The following DIS3L2 variants were observed in gnomAD, a reference collection of about 807,000 sequenced individuals.
The protein encoded by DIS3L2 is DIS3-like exonuclease 2.
Under a neutral mutation model 97.5 loss-of-function variants are expected in DIS3L2, and 34 were observed. That is an observed-to-expected ratio of 0.35 (90% confidence interval 0.27 to 0.46). The LOEUF is 0.46. Among genes scored for constraint, DIS3L2 ranks in the 20% least tolerant of loss-of-function variants. The probability of loss-of-function intolerance (pLI) is 1.00; values close to 1 mark genes in which losing one functional copy is unlikely to be tolerated. For synonymous variants in DIS3L2, 435 were observed against 445.2 expected (o/e 0.98, Z 0.29); for missense variants, 1,038 against 1,146.0 (o/e 0.91, Z 1.36).
At chr2:232,155,902 A>G (rs1046332038) in intron 8 of DIS3L2, among the ~76,000 whole-genome samples, 1 of 152,040 alleles carries the variant, frequency 6.6e-6, no homozygotes, top group African/African-American at 2.4e-5. Flanking sequence ...AGGCAGGAGA[A>G]TGGTGTGAAC....
At chr2:232,091,379 G>A (rs556785987) in intron 6 of DIS3L2, among the ~76,000 whole-genome samples, 72 of 152,070 alleles carry the variant, frequency 4.7e-4, no homozygotes, top group Non-Finnish European at 9.9e-4. Flanking sequence ...TAGTTTTTTA[G>A]CTCTCACAGA....
At chr2:232,138,745 T>C (rs1227011098) in intron 8 of DIS3L2, among the ~76,000 whole-genome samples, 3 of 152,168 alleles carry the variant, frequency 2.0e-5, no homozygotes, top group African/African-American at 4.8e-5. Context: ...GGTGCGAAAG[T>C]GTTATGGTTA....
chr2:232,015,782 A>T lies in DIS3L2; in HGVS notation c.210+111A>T, dbSNP rs1474748224. On this transcript the variant is annotated intron_variant, in intron 3 of 20. Transcript: ENST00000325385. ...GCTTTCAGAGAGACGATGATGTAAC[A>T]GGTGCAGGGCTGTTATGATGGCATA... 5.5e-6 allele frequency: 7 copies of T among 1,283,544 alleles called. No homozygotes were observed. In the African/African-American group the frequency reaches 8.9e-5, roughly 16 times the overall value. 79.5% of individuals were successfully genotyped at this position (1,283,544 alleles called of 1,614,324 possible). A position where few individuals can be genotyped will look rare whatever the true frequency, so the allele number is the denominator to read the frequency against.
chr2:232,107,362 A>G (rs912432178), intron 6 of DIS3L2, among the ~76,000 whole-genome samples: 1 of 152,184 alleles, frequency 6.6e-6, no homozygotes. Flanking sequence ...ACCACCAGCT[A>G]GACTAATAGA....
intron 8 of DIS3L2, among the ~76,000 whole-genome samples, chr2:232,155,064 C>T (rs890017903): frequency 7.3e-5 from 11 of 150,636 alleles, no homozygotes; most frequent in South Asian, 2.1e-4. Context: ...CTTCGGCTCG[C>T]GCACGGTGAG....
At chr2:232,295,404 C>T (rs1031659629) in intron 13 of DIS3L2, among the ~76,000 whole-genome samples, 1 of 152,220 alleles carries the variant, frequency 6.6e-6, no homozygotes, top group African/African-American at 2.4e-5. Flanking sequence ...ACTGTTATCG[C>T]TGCCCATCTT....
At position 232,336,576 on chromosome 2, in the gene DIS3L2, T is replaced by A; in HGVS notation, c.2604T>A (p.Pro868=). The A allele has an allele frequency of 6.2e-7, 1 of 1,608,806 alleles. No individual in the cohort carries two copies. Residue 868 remains proline, a synonymous_variant, in exon 21 of 21, where the codon CCT becomes CCA. Coordinates refer to ENST00000325385, the MANE Select transcript of DIS3L2 (RefSeq NM_152383.5). ...CAGGCACCCAGGGCCACCTGGGCCC[T>A]GAGAAGGAGGAGGAGGAGTCTGACG... The part of the protein sequence containing the change: ...KRPGTQGHLG[P]EKEEEESDGE...
chr2:232,019,606 A>G (rs1335937115), intron 3 of DIS3L2, among the ~76,000 whole-genome samples: 1 of 147,042 alleles, frequency 6.8e-6, no homozygotes, highest in Non-Finnish European at 1.5e-5. Context: ...ATACTTGGGG[A>G]TGAATTAAAG....
intron 13 of DIS3L2, among the ~76,000 whole-genome samples, chr2:232,275,861 G>T (rs1433198554): frequency 6.6e-6 from 1 of 152,162 alleles, no homozygotes; most frequent in Non-Finnish European, 1.5e-5. Flanking sequence ...CACAGGAAGA[G>T]CCTGGACAGC....
At chr2:232,206,699 G>C (rs1692036882) in intron 9 of DIS3L2, among the ~76,000 whole-genome samples, 1 of 152,164 alleles carries the variant, frequency 6.6e-6, no homozygotes, top group Non-Finnish European at 1.5e-5. Flanking sequence ...AAGCCTTCCT[G>C]AGTACTGTTT....
intron 5 of DIS3L2, among the ~76,000 whole-genome samples, chr2:232,062,511 C>T (rs906337084): frequency 6.6e-6 from 1 of 152,112 alleles, no homozygotes; most frequent in Non-Finnish European, 1.5e-5. Context: ...CAAACTGCCC[C>T]TGATCTGACC....
At chr2:232,326,084 C>T (rs1218985943) in intron 14 of DIS3L2, among the ~76,000 whole-genome samples, 1 of 152,148 alleles carries the variant, frequency 6.6e-6, no homozygotes, top group Non-Finnish European at 1.5e-5. Context: ...GGGAGGAGGT[C>T]AGGGGAGAGG....
chr2:232,320,957 G>A (rs532627051), intron 14 of DIS3L2, among the ~76,000 whole-genome samples: 2 of 152,288 alleles, frequency 1.3e-5, no homozygotes, highest in Admixed American at 6.5e-5. Flanking sequence ...ATGGAGCCAG[G>A]GAGGGAGATG....
intron 6 of DIS3L2, among the ~76,000 whole-genome samples, chr2:232,117,023 G>A (rs1463807002): frequency 6.6e-6 from 1 of 152,282 alleles, no homozygotes; most frequent in South Asian, 2.1e-4. Context: ...CCCTCATGTG[G>A]CTGCTCCCCT....
At chr2:232,136,788 A>C in intron 8 of DIS3L2, 69 bp downstream of exon 8, 3 of 1,544,708 alleles carry the variant, frequency 1.9e-6, no homozygotes, top group Non-Finnish European at 2.6e-6. Context: ...CTTTAGGTAA[A>C]CTTTTTGTGT....
chr2:232,309,504 GT>G (rs1238340206), intron 14 of DIS3L2, among the ~76,000 whole-genome samples: 1 of 151,874 alleles, frequency 6.6e-6, no homozygotes, highest in Non-Finnish European at 1.5e-5. Flanking sequence ...TACGGCCCAG[GT>G]TTTTTTGTTT....
At chr2:232,086,649 A>ACACATATATATATG (rs1696648397) in intron 5 of DIS3L2, among the ~76,000 whole-genome samples, 1 of 47,324 alleles carries the variant, frequency 2.1e-5, no homozygotes, top group African/African-American at 1.3e-4. Flanking sequence ...ATATATGTAT[A>ACACATATATATATG]TATATATATA....
At chr2:232,132,535 A>G (rs1241612189) in intron 7 of DIS3L2, among the ~76,000 whole-genome samples, 4 of 152,204 alleles carry the variant, frequency 2.6e-5, no homozygotes, top group Admixed American at 6.5e-5. Flanking sequence ...ACATAACAGC[A>G]GGGACCTCAC....
chr2:232,262,347 A>G (rs914167874), intron 12 of DIS3L2, among the ~76,000 whole-genome samples: 1 of 152,244 alleles, frequency 6.6e-6, no homozygotes, highest in Non-Finnish European at 1.5e-5. Context: ...TTTAAAAGTA[A>G]TACATATTTA....
Sources: allele counts gnomAD v4.1 joint callset (sites outside exome capture counted in the v4.1 genomes callset), GRCh38; gene constraint gnomAD v4.1.1; transcripts MANE v1.5; gene names NCBI Gene and HGNC (gene_info 2026-07-23, HGNC 2026-07-21).